The following BRMS1L variants were observed in gnomAD, a reference collection of about 807,000 sequenced individuals.
BRMS1L encodes the protein BRMS1 like transcriptional repressor.
A neutral mutation model predicts 50.3 loss-of-function variants in BRMS1L; 23 were observed. The observed-to-expected ratio is 0.46, with a 90% CI of 0.33 to 0.65. BRMS1L has a LOEUF of 0.65. BRMS1L is among the 30% of genes least tolerant of loss of function. The pLI is 0.02. For missense variants in BRMS1L, 286 were observed against 386.1 expected (o/e 0.74, Z 2.17); for synonymous variants, 114 against 126.9 (o/e 0.90, Z 0.69).
Position 35,834,931 on chromosome 14 carries a change from C to A in BRMS1L, c.441+8C>A. 1 of 1,576,416 alleles carries A rather than the reference C, an allele frequency of 6.3e-7. No individual in the cohort carries two copies. Among genetic ancestry groups the A allele is most frequent in the Non-Finnish European group, 8.6e-7 (1 of 1,162,046 alleles). On this transcript the variant is annotated splice_region_variant and intron_variant, in intron 4 of 9. Transcript: ENST00000216807. ...TCTCGCCAGCATTGTGAGGTACTGT[C>A]ATTTTGCATAACTTTTAAGCTAATT... is the stretch of plus-strand genomic sequence containing the variant.
intron 8 of BRMS1L, among the ~76,000 whole-genome samples, chr14:35,867,526 C>T (rs551314878): frequency 8.5e-5 from 13 of 152,084 alleles, no homozygotes; most frequent in South Asian, 6.2e-4. Flanking sequence ...CTGCTTCTTT[C>T]GGTATATCAG....
At chr14:35,861,814 A>G (rs146437732) in intron 4 of BRMS1L, among the ~76,000 whole-genome samples, 20 of 152,362 alleles carry the variant, frequency 1.3e-4, no homozygotes, top group Non-Finnish European at 2.5e-4. Flanking sequence ...CAAGACAGTC[A>G]TATCTGCTAT....
intron 6 of BRMS1L, 61 bp downstream of exon 6, chr14:35,864,014 C>A (rs1003129500): frequency 7.9e-6 from 10 of 1,259,180 alleles, no homozygotes; most frequent in Admixed American, 1.9e-5. Context: ...ATTGTGCATG[C>A]CTTTATAACT....
intron 4 of BRMS1L, among the ~76,000 whole-genome samples, chr14:35,852,701 G>A (rs1276770787): frequency 1.3e-5 from 2 of 152,158 alleles, no homozygotes; most frequent in Non-Finnish European, 2.9e-5. Context: ...GGAGGCCGAG[G>A]TGGGCAGGTC....
intron 1 of BRMS1L, 50 bp from the exon 2 acceptor site, chr14:35,831,360 A>G: frequency 7.4e-7 from 1 of 1,346,874 alleles, no homozygotes; most frequent in Non-Finnish European, 1.1e-6. Context: ...AGATGTTCAG[A>G]TAAATTTGAA....
At position 35,865,013 on chromosome 14, in the gene BRMS1L, G is replaced by A. The variant is rs1178074881; in HGVS notation, c.687+14G>A. On this transcript the variant is annotated intron_variant, in intron 7 of 9. Coordinates refer to ENST00000216807, the MANE Select transcript of BRMS1L (RefSeq NM_032352.4). ...ACAATTAGGAAGGTATGATTAATGAGCAGTGGAACACAAGTATGTTTTTAT... is the reference window on the plus strand; with the variant it reads ...ACAATTAGGAAGGTATGATTAATGAACAGTGGAACACAAGTATGTTTTTAT... 6.5e-7 allele frequency: 1 copy of A among 1,530,448 alleles called. No homozygotes were observed. The highest frequency in any genetic ancestry group is 8.9e-7 in the Non-Finnish European group (1 of 1,129,896). 94.8% of individuals were successfully genotyped at this position (1,530,448 alleles called of 1,614,324 possible). A position where few individuals can be genotyped will look rare whatever the true frequency, so the allele number is the denominator to read the frequency against.
At chr14:35,842,435 G>C (rs2078079020) in intron 4 of BRMS1L, among the ~76,000 whole-genome samples, 1 of 152,062 alleles carries the variant, frequency 6.6e-6, no homozygotes, top group Admixed American at 6.6e-5. Context: ...TTTGCTTATG[G>C]AGCTTAGTTT....
chr14:35,830,554 C>T (rs967054828), intron 1 of BRMS1L, among the ~76,000 whole-genome samples: 1 of 151,724 alleles, frequency 6.6e-6, no homozygotes, highest in Non-Finnish European at 1.5e-5. Context: ...GATGGGGTTT[C>T]ACCATGTTGC....
chr14:35,868,129 A>C, intron 9 of BRMS1L, 97 bp downstream of exon 9: 1 of 1,261,892 alleles, frequency 7.9e-7, no homozygotes, highest in Non-Finnish European at 1.1e-6. Flanking sequence ...TGCCTATATC[A>C]TTAGTTGCTT....
Position 35,832,959 on chromosome 14 carries a change from T to G in BRMS1L, c.234-19T>G, listed in dbSNP as rs781109822. 4 of 1,578,706 alleles carry G rather than the reference T, an allele frequency of 2.5e-6. No homozygotes were observed. Among genetic ancestry groups the G allele is most frequent in the Non-Finnish European group, 3.4e-6 (4 of 1,160,964 alleles). ...TGTTGAGATTTTTAAATTAACATAT[T>G]AATTTTTGCTTTGTTAAGACTTTAT... On this transcript the variant is annotated intron_variant, in intron 2 of 9. Transcript: ENST00000216807.
chr14:35,850,768 A>G (rs1458104015), intron 4 of BRMS1L, among the ~76,000 whole-genome samples: 1 of 152,210 alleles, frequency 6.6e-6, no homozygotes, highest in Non-Finnish European at 1.5e-5. Flanking sequence ...TTGTACAATA[A>G]GGGTCCAGTT....
intron 4 of BRMS1L, chr14:35,858,803 C>T (rs2078313923): frequency 6.6e-6 from 1 of 152,140 alleles, no homozygotes; most frequent in Non-Finnish European, 1.5e-5. Context: ...TCTCCACAGG[C>T]TGATTGAGTG....
intron 4 of BRMS1L, among the ~76,000 whole-genome samples, chr14:35,859,450 C>T (rs1451585094): frequency 6.6e-6 from 1 of 152,166 alleles, no homozygotes; most frequent in East Asian, 1.9e-4. Context: ...TAGCTTCCAG[C>T]GTTGCTTTTG....
chr14:35,829,100 C>T (rs573811557), intron 1 of BRMS1L, among the ~76,000 whole-genome samples: 11 of 152,158 alleles, frequency 7.2e-5, no homozygotes, highest in Middle Eastern at 3.4e-3. Context: ...CTCCAACACA[C>T]CCGGCTAATT....
chr14:35,826,808 T>C (rs1169023), intron 1 of BRMS1L, 150 bp downstream of exon 1: 1 of 1,163,618 alleles, frequency 8.6e-7, no homozygotes, highest in African/African-American at 1.6e-5. Flanking sequence ...GGCTGCACCC[T>C]GACCGGTCGC....
chr14:35,829,944 TTCC>T (rs1221503479), intron 1 of BRMS1L: 2 of 761,374 alleles, frequency 2.6e-6, no homozygotes, highest in Non-Finnish European at 3.3e-6. Flanking sequence ...AGTTTGTATT[TTCC>T]TCCTCATTTG....
At chr14:35,834,351 G>C (rs1025487212) in intron 3 of BRMS1L, among the ~76,000 whole-genome samples, 4 of 151,998 alleles carry the variant, frequency 2.6e-5, no homozygotes, top group African/African-American at 9.7e-5. Context: ...AGACATAATT[G>C]ATTTTGTTAT....
chr14:35,857,274 CAT>C lies in BRMS1L; in HGVS notation c.442-5309_442-5308del, dbSNP rs1251693061. Among the ~76,000 whole-genome samples the C allele has an allele frequency of 5.6e-5, 8 of 143,908 alleles. No individual in the cohort carries two copies. The South Asian group carries it at 6.7e-4, about 12-fold the overall frequency. The allele number at this position is 143,908 out of a possible 152,430, so 94.4% of individuals were successfully genotyped here. A position where few individuals can be genotyped will look rare whatever the true frequency, so the allele number is the denominator to read the frequency against. ...AAATATATATATATATGTATATATA[CAT>C]ATATATGTGTGTGTGTGTGTGTGTG... is the stretch of plus-strand genomic sequence containing the variant. On this transcript the variant is annotated intron_variant, in intron 4 of 9. Coordinates refer to ENST00000216807, the MANE Select transcript of BRMS1L (RefSeq NM_032352.4).
Position 35,828,242 on chromosome 14 carries a change from G to C in BRMS1L, c.142+1584G>C, listed in dbSNP as rs373829371. ...GGCTGGAGTGTAATGGCGTGATCTT[G>C]GCTCACTGCAACCTCCGCCTCCTGG... On this transcript the variant is annotated intron_variant, in intron 1 of 9. Transcript: ENST00000216807. Among the ~76,000 whole-genome samples the C allele has an allele frequency of 7.9e-5, 12 of 151,854 alleles. No individual in the cohort carries two copies. In the South Asian group the frequency reaches 8.3e-4, roughly 11 times the overall value.
Sources: gnomAD v4.1 joint callset for allele counts (sites outside exome capture counted in the v4.1 genomes callset) on GRCh38, gnomAD v4.1.1 for gene constraint, MANE v1.5 for transcripts, NCBI Gene and HGNC (gene_info 2026-07-23, HGNC 2026-07-21) for gene names.